The following NEK1 variants were observed in gnomAD, a reference collection of about 807,000 sequenced individuals.
The protein encoded by NEK1 is serine/threonine-protein kinase Nek1.
A neutral mutation model predicts 182.1 loss-of-function variants in NEK1; 137 were observed. The observed-to-expected ratio is 0.75, with a 90% confidence interval of 0.65 to 0.87. NEK1 has a LOEUF of 0.87. Ranked by LOEUF, NEK1 falls within the 40% of genes least tolerant of loss-of-function variation. The pLI is 0.00. For missense variants in NEK1, 1,391 were observed against 1,494.4 expected, an observed-to-expected ratio of 0.93 and a Z score of 1.14; for synonymous variants, 513 against 492.2, an observed-to-expected ratio of 1.04 and a Z score of -0.56.
intron 18 of NEK1, among the ~76,000 whole-genome samples, chr4:169,540,207 T>C (rs1363725379): frequency 6.6e-6 from 1 of 152,148 alleles, no homozygotes; most frequent in Non-Finnish European, 1.5e-5. Context: ...TAAACAAATA[T>C]TGAGTGTCAA....
At chr4:169,545,826 T>G (rs1410710964) in intron 18 of NEK1, among the ~76,000 whole-genome samples, 4 of 152,078 alleles carry the variant, frequency 2.6e-5, no homozygotes, top group African/African-American at 7.3e-5. Context: ...TTTTCATGTG[T>G]TTTTTGGCTG....
chr4:169,445,188 T>C (rs191088922), intron 27 of NEK1, among the ~76,000 whole-genome samples: 1 of 152,050 alleles, frequency 6.6e-6, no homozygotes, highest in Non-Finnish European at 1.5e-5. Flanking sequence ...GGGAGGCTGA[T>C]GTAGGAGAAT....
intron 23 of NEK1, among the ~76,000 whole-genome samples, chr4:169,494,100 CTTTTTT>C (rs58999473): frequency 1.1e-4 from 16 of 142,468 alleles, no homozygotes; most frequent in African/African-American, 4.1e-4. Context: ...GGATTTCTTT[CTTTTTT>C]TTTTTTTTAT....
intron 31 of NEK1, among the ~76,000 whole-genome samples, chr4:169,409,845 T>A (rs1461058488): frequency 6.6e-6 from 1 of 152,220 alleles, no homozygotes; most frequent in African/African-American, 2.4e-5. Context: ...GGCTTTAATA[T>A]GCATTTCCCT....
At chr4:169,445,794 C>A (rs1415105655) in intron 27 of NEK1, among the ~76,000 whole-genome samples, 7 of 149,640 alleles carry the variant, frequency 4.7e-5, no homozygotes, top group Admixed American at 2.0e-4. Context: ...TGCGATATAC[C>A]CATGTAACAA....
chr4:169,398,753 CT>C (rs1180578378), intron 35 of NEK1, among the ~76,000 whole-genome samples: 2 of 151,986 alleles, frequency 1.3e-5, no homozygotes, highest in African/African-American at 2.4e-5. Flanking sequence ...CAATCTTAGA[CT>C]TTTTTGTATG....
intron 30 of NEK1, among the ~76,000 whole-genome samples, chr4:169,425,015 A>G (rs1736130963): frequency 6.6e-6 from 1 of 152,204 alleles, no homozygotes; most frequent in Non-Finnish European, 1.5e-5. Flanking sequence ...TTTGTTATGT[A>G]CTTTCATTAT....
intron 27 of NEK1, among the ~76,000 whole-genome samples, chr4:169,461,696 G>T (rs1255688884): frequency 6.6e-6 from 1 of 152,074 alleles, no homozygotes; most frequent in African/African-American, 2.4e-5. Context: ...ACAGGTCTGG[G>T]ATGTCTTTCT....
intron 23 of NEK1, among the ~76,000 whole-genome samples, chr4:169,494,378 G>A (rs1362080192): frequency 6.6e-6 from 1 of 152,148 alleles, no homozygotes; most frequent in Non-Finnish European, 1.5e-5. Context: ...ATAGTTTGCT[G>A]AGAATGATGG....
chr4:169,491,058 G>A (rs577795223), intron 23 of NEK1, among the ~76,000 whole-genome samples: 133 of 140,610 alleles, frequency 9.5e-4, no homozygotes, highest in African/African-American at 3.3e-3. Flanking sequence ...CAGGAGAATC[G>A]CTTGAACCCA....
chr4:169,401,713 A>C lies in NEK1; in HGVS notation c.3522T>G (p.Asp1174Glu). 1.9e-6 allele frequency: 3 copies of C among 1,613,956 alleles called. 1 individual carries two copies. The South Asian group carries it at 3.3e-5, about 18-fold the overall frequency. Residue 1174 changes from aspartate to glutamate, a missense_variant, in exon 33 of 36, where the codon GAT (aspartate) becomes GAG (glutamate). By Grantham distance (45) the Asp-to-Glu change is conservative. Transcript: ENST00000507142. ...TGGGATTGTCATCTTCATCTGCCAC[A>C]TCTGTCCCATTTGCAGTTGGCTCCA... ...SDVEPTANGTDVADEDDNPSS... is the reference protein window; with the variant it reads ...SDVEPTANGTEVADEDDNPSS...
chr4:169,579,559 G>C (rs1397065194), intron 11 of NEK1, among the ~76,000 whole-genome samples: 1 of 152,120 alleles, frequency 6.6e-6, no homozygotes, highest in East Asian at 1.9e-4. Flanking sequence ...CGGAGGCCAA[G>C]GCAGGCAGAT....
rs566684230 is a variant in NEK1, at chr4:169,508,828, T to C, written c.1690A>G (p.Met564Val). 2.5e-6 allele frequency: 4 copies of C among 1,592,110 alleles called. No homozygotes were observed. The highest frequency in any genetic ancestry group is 3.4e-6 in the Non-Finnish European group (4 of 1,176,940). Residue 564 changes from methionine to valine, a missense_variant, in exon 20 of 36, where the codon ATG becomes GTG. Physicochemically the swap from Met to Val is conservative, Grantham distance 21. Transcript: ENST00000507142. The stretch of plus-strand genomic sequence containing the variant: ...GAAGAGCTGGGCCTGCCTCCATACA[T>C]AGCTGCCAGGTTTTGCAGGATTCCC... The part of the protein sequence containing the change: ...HMGILQNLAA[M>V]YGGRPSSSRG...
chr4:169,477,117 T>C lies in NEK1; in HGVS notation c.2434+7A>G, dbSNP rs777827718. 3 of 1,563,978 alleles carry C rather than the reference T, an allele frequency of 1.9e-6. No individual in the cohort carries two copies. The highest frequency in any genetic ancestry group is 2.3e-5 in the East Asian group (1 of 43,264). ...TAAATAGGATATTAATATACTACTA[T>C]ACATACTTTCAGTTGTAGAGAAGGA... On this transcript the variant is annotated splice_region_variant and intron_variant, in intron 26 of 35. Transcript: ENST00000507142.
At chr4:169,439,364 A>G (rs1301160746) in intron 27 of NEK1, among the ~76,000 whole-genome samples, 1 of 152,218 alleles carries the variant, frequency 6.6e-6, no homozygotes, top group Admixed American at 6.5e-5. Context: ...AGAGCAAAAA[A>G]GTTGTTCATC....
chr4:169,543,879 T>G (rs1396824338), intron 18 of NEK1, among the ~76,000 whole-genome samples: 1 of 152,228 alleles, frequency 6.6e-6, no homozygotes, highest in African/African-American at 2.4e-5. Flanking sequence ...AAGGAGATTT[T>G]GGGCTGAGAT....
chr4:169,574,532 G>A (rs191790053), intron 12 of NEK1, among the ~76,000 whole-genome samples: 9 of 151,938 alleles, frequency 5.9e-5, no homozygotes, highest in South Asian at 4.2e-4. Flanking sequence ...GCGTGAACCC[G>A]CGAGGCGGAG....
At chr4:169,557,781 A>T (rs548141754) in intron 16 of NEK1, among the ~76,000 whole-genome samples, 2 of 152,222 alleles carry the variant, frequency 1.3e-5, no homozygotes, top group South Asian at 2.1e-4. Flanking sequence ...AATACAAAAA[A>T]TTAGCCGGGC....
intron 27 of NEK1, among the ~76,000 whole-genome samples, chr4:169,444,582 G>A (rs565489958): frequency 1.3e-5 from 2 of 152,222 alleles, no homozygotes; most frequent in East Asian, 1.9e-4. Context: ...ATAAATAGAT[G>A]TGCACTCAAC....
Sources: gnomAD v4.1 joint callset for allele counts (sites outside exome capture counted in the v4.1 genomes callset) on GRCh38, gnomAD v4.1.1 for gene constraint, MANE v1.5 for transcripts, NCBI Gene and HGNC (gene_info 2026-07-23, HGNC 2026-07-21) for gene names.